The following ALK variants were observed in gnomAD, a reference collection of about 807,000 sequenced individuals.
ALK encodes the protein ALK receptor tyrosine kinase, also known as ALK tyrosine kinase receptor.
In ALK, 74 loss-of-function variants were observed where a neutral mutation model predicts 163.1. The ratio of observed to expected loss-of-function variants is 0.45; its 90% confidence interval spans 0.38 to 0.55. The LOEUF is 0.55. ALK is among the 20% of genes least tolerant of loss of function. The pLI, the probability that ALK is intolerant of heterozygous loss-of-function variation, is 0.00. For synonymous variants in ALK, 960 were observed against 843.2 expected (o/e 1.14, Z -2.40); for missense variants, 2,063 against 2,105.3 (o/e 0.98, Z 0.39).
At chr2:29,626,855 G>A (rs1033272264) in intron 3 of ALK, among the ~76,000 whole-genome samples, 23 of 152,198 alleles carry the variant, frequency 1.5e-4, no homozygotes, top group African/African-American at 5.6e-4. Flanking sequence ...CTCCACTCTA[G>A]CTAGATGCAG....
chr2:29,628,361 A>G (rs1676257311), intron 3 of ALK, among the ~76,000 whole-genome samples: 1 of 152,200 alleles, frequency 6.6e-6, no homozygotes, highest in Non-Finnish European at 1.5e-5. Flanking sequence ...GCTCTCTATT[A>G]AAACACGCTA....
chr2:29,912,044 T>C (rs1009457738), intron 1 of ALK, among the ~76,000 whole-genome samples: 1 of 152,106 alleles, frequency 6.6e-6, no homozygotes, highest in African/African-American at 2.4e-5. Context: ...AACTTGAGGA[T>C]AGGTCAATAG....
chr2:29,559,869 C>A (rs1673973949), intron 3 of ALK, among the ~76,000 whole-genome samples: 1 of 151,770 alleles, frequency 6.6e-6, no homozygotes. Context: ...GAAACACTTT[C>A]ACTTGCTCTG....
intron 4 of ALK, among the ~76,000 whole-genome samples, chr2:29,408,655 T>A (rs1018956751): frequency 6.6e-6 from 1 of 152,244 alleles, no homozygotes; most frequent in Non-Finnish European, 1.5e-5. Context: ...TACTATCTAA[T>A]CCATGATATG....
intron 4 of ALK, among the ~76,000 whole-genome samples, chr2:29,398,612 T>C (rs867092128): frequency 7.2e-5 from 11 of 152,164 alleles, no homozygotes; most frequent in Admixed American, 2.0e-4. Context: ...CCAGGCCTTT[T>C]TGTGATAGGT....
chr2:29,488,572 T>C, intron 4 of ALK, among the ~76,000 whole-genome samples: 1 of 152,222 alleles, frequency 6.6e-6, no homozygotes. Context: ...ATTTCATAAA[T>C]TTCACTGAAG....
chr2:29,315,786 T>C (rs1306840411), intron 8 of ALK, among the ~76,000 whole-genome samples: 2 of 152,304 alleles, frequency 1.3e-5, no homozygotes, highest in East Asian at 1.9e-4. Context: ...CTGATGATTG[T>C]GGTGTCTTGA....
At chr2:29,742,770 C>T (rs918417512) in intron 1 of ALK, among the ~76,000 whole-genome samples, 1 of 152,166 alleles carries the variant, frequency 6.6e-6, no homozygotes, top group Admixed American at 6.5e-5. Context: ...ACCTGAAGAG[C>T]TTATTCCCTC....
chr2:29,655,156 A>G (rs1252082392), intron 3 of ALK, among the ~76,000 whole-genome samples: 1 of 152,166 alleles, frequency 6.6e-6, no homozygotes, highest in East Asian at 1.9e-4. Flanking sequence ...TGATTTATCA[A>G]CCTTCAAAGT....
intron 3 of ALK, among the ~76,000 whole-genome samples, chr2:29,571,399 G>A (rs1674364908): frequency 6.6e-6 from 1 of 152,102 alleles, no homozygotes; most frequent in Non-Finnish European, 1.5e-5. Context: ...AGTTTCCCCT[G>A]TGCTGTTCTT....
At chr2:29,433,993 C>A (rs1670338992) in intron 4 of ALK, among the ~76,000 whole-genome samples, 1 of 152,116 alleles carries the variant, frequency 6.6e-6, no homozygotes, top group African/African-American at 2.4e-5. Context: ...TTGCACCAAT[C>A]TCTCAAGAGT....
intron 1 of ALK, among the ~76,000 whole-genome samples, chr2:29,810,251 A>G (rs1391525470): frequency 6.6e-6 from 1 of 151,990 alleles, no homozygotes; most frequent in Non-Finnish European, 1.5e-5. Flanking sequence ...GTGATACGCC[A>G]TCTCTACTAA....
At chr2:29,756,894 C>T (rs139751667) in intron 1 of ALK, among the ~76,000 whole-genome samples, 63 of 152,312 alleles carry the variant, frequency 4.1e-4, no homozygotes, top group African/African-American at 1.3e-3. Context: ...AACAAGATCA[C>T]TAAGACTCTC....
At chr2:29,596,214 T>C (rs540282995) in intron 3 of ALK, among the ~76,000 whole-genome samples, 6 of 152,222 alleles carry the variant, frequency 3.9e-5, no homozygotes, top group Non-Finnish European at 8.8e-5. Context: ...TTTCTTTCCC[T>C]AACCCAAATA....
intron 1 of ALK, among the ~76,000 whole-genome samples, chr2:29,729,619 G>A (rs555870938): frequency 6.6e-6 from 1 of 152,136 alleles, no homozygotes; most frequent in South Asian, 2.1e-4. Context: ...AAATTCAATG[G>A]CCCACATTGC....
chr2:29,777,548 C>G (rs1457787241), intron 1 of ALK, among the ~76,000 whole-genome samples: 1 of 152,154 alleles, frequency 6.6e-6, no homozygotes, highest in Non-Finnish European at 1.5e-5. Flanking sequence ...GCAGCAACTT[C>G]TCGCTGACTG....
At chr2:29,310,686 G>A (rs1029182159) in intron 8 of ALK, among the ~76,000 whole-genome samples, 1 of 152,214 alleles carries the variant, frequency 6.6e-6, no homozygotes, top group African/African-American at 2.4e-5. Flanking sequence ...AATACTTGCT[G>A]GTTCACCACC....
Position 29,223,437 on chromosome 2 carries a change from G to T in ALK, c.3264C>A (p.Ile1088=), listed in dbSNP as rs2148170939. 6.2e-7 allele frequency: 1 copy of T among 1,614,208 alleles called. No homozygotes were observed. Among genetic ancestry groups the T allele is most frequent in the East Asian group, 2.2e-5 (1 of 44,878 alleles). ...AGTAGTTGGGGTTGTAGTCGGTCATGATGGTCGAGGTGCGGAGCTTGCTCA... is the reference window on the plus strand; with the variant it reads ...AGTAGTTGGGGTTGTAGTCGGTCATTATGGTCGAGGTGCGGAGCTTGCTCA... The part of the protein sequence containing the change: ...YKLSKLRTST[I]MTDYNPNYCF... The change falls in exon 20 of 29, where the codon ATC becomes ATA. Residue 1088 remains isoleucine (I), a synonymous_variant. Transcript: ENST00000389048.
In ALK at chr2:29,222,547, G is replaced by A. The variant is rs150785816; in HGVS notation, c.3420C>T (p.Asn1140=). ...VYEGQVSGMP[N]DPSPLQVAVK... is the part of the protein sequence containing the mutation. ...CAGCCACTTGCAGGGGGCTTGGGTC[G>A]TTGGGCATTCCGGACACCTGGCCTT... The change falls in exon 21 of 29, where the codon AAC becomes AAT. Residue 1140 remains asparagine, a synonymous_variant. Coordinates refer to ENST00000389048, the MANE Select transcript of ALK (RefSeq NM_004304.5). The A allele has an allele frequency of 4.6e-5, 75 of 1,613,964 alleles. No homozygotes were observed. The highest frequency in any genetic ancestry group is 1.7e-4 in the Admixed American group (10 of 60,002).
Sources: gnomAD v4.1 joint callset for allele counts (sites outside exome capture counted in the v4.1 genomes callset) on GRCh38, gnomAD v4.1.1 for gene constraint, MANE v1.5 for transcripts, NCBI Gene and HGNC (gene_info 2026-07-23, HGNC 2026-07-21) for gene names.